FAM53A: variants seen among roughly 807,000 people sequenced by gnomAD.
FAM53A encodes the protein family with sequence similarity 53 member A.
A neutral mutation model predicts 26.6 loss-of-function variants in FAM53A; 28 were observed. The ratio of observed to expected loss-of-function variants is 1.05; its 90% CI spans 0.78 to 1.45. The LOEUF is 1.45. FAM53A is among the 40% of genes most tolerant of loss of function. The pLI is 0.00. For missense variants in FAM53A, 650 were observed against 575.8 expected, an observed-to-expected ratio of 1.13 and a Z score of -1.32; for synonymous variants, 290 against 253.1, an observed-to-expected ratio of 1.15 and a Z score of -1.38.
downstream of FAM53A, among the ~76,000 whole-genome samples, chr4:1,617,121 G>A (rs1714839070): frequency 1.3e-5 from 1 of 78,372 alleles, no homozygotes; most frequent in African/African-American, 5.1e-5. Context: ...AACAGAGGGA[G>A]ACTCCATCTT....
chr4:1,629,132 C>G (rs1424271939), intron 1 of FAM53A, among the ~76,000 whole-genome samples: 1 of 152,034 alleles, frequency 6.6e-6, no homozygotes, highest in Non-Finnish European at 1.5e-5. Context: ...CCCAGCCCAG[C>G]TGGGAAGAGG....
At position 1,665,435 on chromosome 4, in the gene FAM53A, G is replaced by A. The variant is rs114037879; in HGVS notation, c.75+3232C>T. 6.9e-3 allele frequency among the ~76,000 whole-genome samples: 1,048 copies of A among 151,444 alleles called. 12 individuals are homozygous for A. Among genetic ancestry groups the A allele is most frequent in the African/African-American group, 0.024 (985 of 41,244 alleles). ...GCCCTGGAAGCGGAGTTGCAATGAC[G>A]TGCGATCACTCCACTGCACTCCAGC... On this transcript the variant is annotated intron_variant, in intron 2 of 4. Coordinates refer to ENST00000308132, the MANE Select transcript of FAM53A (RefSeq NM_001174070.3).
At chr4:1,673,753 G>A (rs992397540) in intron 1 of FAM53A, among the ~76,000 whole-genome samples, 1 of 152,222 alleles carries the variant, frequency 6.6e-6, no homozygotes, top group African/African-American at 2.4e-5. Flanking sequence ...CAGATAAAGT[G>A]TGCCCGCCAA....
At chr4:1,590,955 C>CATATATACATATATATATATAT in the FAM53A span, among the ~76,000 whole-genome samples, 2 of 46,280 alleles carry the variant, frequency 4.3e-5, no homozygotes, top group African/African-American at 1.3e-4. Context: ...TTATTTAATG[C>CATATATACATATATATATATAT]ATATATATAT....
At chr4:1,663,429 A>G (rs1235814632) in intron 2 of FAM53A, among the ~76,000 whole-genome samples, 4 of 152,218 alleles carry the variant, frequency 2.6e-5, no homozygotes, top group African/African-American at 4.8e-5. Context: ...TCACAGCTGC[A>G]TTATCCCTAA....
chr4:1,600,080 C>T, the FAM53A span, among the ~76,000 whole-genome samples: 1 of 152,202 alleles, frequency 6.6e-6, no homozygotes, highest in Non-Finnish European at 1.5e-5. Context: ...AATGCAGGGA[C>T]CACTGAGCAA....
the FAM53A span, among the ~76,000 whole-genome samples, chr4:1,609,037 T>C: frequency 1.3e-5 from 2 of 152,006 alleles, no homozygotes; most frequent in African/African-American, 4.8e-5. Context: ...GACTTGGCCT[T>C]GAATCCACGT....
the FAM53A span, among the ~76,000 whole-genome samples, chr4:1,576,886 C>T: frequency 6.6e-6 from 1 of 152,174 alleles, no homozygotes; most frequent in Non-Finnish European, 1.5e-5. Context: ...CGCAGGGCGG[C>T]CTCCTTGAGG....
At chr4:1,595,676 C>T in the FAM53A span, among the ~76,000 whole-genome samples, 1 of 152,252 alleles carries the variant, frequency 6.6e-6, no homozygotes, top group Admixed American at 6.5e-5. Flanking sequence ...TTACCCAGCA[C>T]CGCGGGAAGC....
At chr4:1,663,798 G>A (rs73798418) in intron 2 of FAM53A, among the ~76,000 whole-genome samples, 1 of 149,390 alleles carries the variant, frequency 6.7e-6, no homozygotes, top group African/African-American at 2.5e-5. Context: ...GCAAGACCCC[G>A]TCTCTACCAA....
chr4:1,663,877 C>T (rs1714035282), intron 2 of FAM53A, among the ~76,000 whole-genome samples: 1 of 151,120 alleles, frequency 6.6e-6, no homozygotes, highest in African/African-American at 2.4e-5. Flanking sequence ...ACTTTAATTT[C>T]AGTTTAAAAA....
chr4:1,609,180 C>G, the FAM53A span, among the ~76,000 whole-genome samples: 1 of 152,066 alleles, frequency 6.6e-6, no homozygotes, highest in Non-Finnish European at 1.5e-5. Context: ...GGATGTGGCT[C>G]TGGCAGGGCT....
In FAM53A at chr4:1,659,426, G is replaced by C. The variant is rs1016521545; in HGVS notation, c.76-1958C>G. ...CCACATGAACAGCACCCAGCTCGAC[G>C]CTGCCACGGAAAAACGTCTAGCAAG... is the stretch of plus-strand genomic sequence containing the variant. On this transcript the variant is annotated intron_variant, in intron 2 of 4. Coordinates refer to ENST00000308132, the MANE Select transcript of FAM53A (RefSeq NM_001174070.3). The surrounding 1 kb of genome is among the most constrained non-coding windows in gnomAD (Gnocchi z 5.2). 6.6e-6 allele frequency among the ~76,000 whole-genome samples: 1 copy of C among 152,230 alleles called. No individual in the cohort carries two copies. The highest frequency in any genetic ancestry group is 6.5e-5 in the Admixed American group (1 of 15,274).
In FAM53A at chr4:1,665,174, C is replaced by T. The variant is rs556229716; in HGVS notation, c.75+3493G>A. On this transcript the variant is annotated intron_variant, in intron 2 of 4. Coordinates refer to ENST00000308132, the MANE Select transcript of FAM53A (RefSeq NM_001174070.3). ...TATTAAAAATACAAAAAAAATTAGCCGGGCGTGGTGGCGCATGCCTGTAGT... is the reference window on the plus strand; with the variant it reads ...TATTAAAAATACAAAAAAAATTAGCTGGGCGTGGTGGCGCATGCCTGTAGT... Among the ~76,000 whole-genome samples the T allele has an allele frequency of 2.4e-4, 36 of 151,784 alleles. 1 individual carries two copies. Among genetic ancestry groups the T allele is most frequent in the South Asian group, 8.3e-4 (4 of 4,794 alleles).
chr4:1,582,594 G>A, the FAM53A span, among the ~76,000 whole-genome samples: 4 of 152,156 alleles, frequency 2.6e-5, no homozygotes, highest in Non-Finnish European at 4.4e-5. Flanking sequence ...GTCCTCTCCC[G>A]CCTGCGATCT....
chr4:1,594,083 G>A, the FAM53A span, among the ~76,000 whole-genome samples: 3 of 152,100 alleles, frequency 2.0e-5, no homozygotes, highest in African/African-American at 7.2e-5. Context: ...GGCGCCGCGG[G>A]CCCCAGGTCC....
chr4:1,655,615 A>C lies in FAM53A; in HGVS notation c.245T>G (p.Met82Arg), dbSNP rs754724201. The C allele has an allele frequency of 1.3e-6, 2 of 1,596,270 alleles. No homozygotes were observed. Among genetic ancestry groups the C allele is most frequent in the Non-Finnish European group, 1.7e-6 (2 of 1,171,796 alleles). ...LPGLSAAAHTMGLQWQPQSPR... is the reference protein window; with the variant it reads ...LPGLSAAAHTRGLQWQPQSPR... ...GGACTGTGGCTGCCACTGAAGACCC[A>C]TGGTGTGAGCGGCAGCAGACAGGCC... The change falls in exon 4 of 5, where the codon ATG becomes AGG. Residue 82 changes from methionine (M) to arginine (R), a missense_variant. Coordinates refer to ENST00000308132, the MANE Select transcript of FAM53A (RefSeq NM_001174070.3).
chr4:1,634,134 C>T (rs1036476588), intron 1 of FAM53A, among the ~76,000 whole-genome samples: 11 of 152,140 alleles, frequency 7.2e-5, no homozygotes, highest in South Asian at 2.1e-4. Context: ...ACTGGCTGTC[C>T]GGGAAACTGG....
chr4:1,670,410 C>T (rs1049863674), intron 1 of FAM53A, among the ~76,000 whole-genome samples: 4 of 152,238 alleles, frequency 2.6e-5, no homozygotes, highest in African/African-American at 9.6e-5. Context: ...TCAGAGCCTT[C>T]CCGTCACCAG....
Sources: gnomAD v4.1 joint callset for allele counts (sites outside exome capture counted in the v4.1 genomes callset) on GRCh38, gnomAD v4.1.1 for gene constraint, Gnocchi (gnomAD v3.1) non-coding constraint, MANE v1.5 for transcripts, NCBI Gene and HGNC (gene_info 2026-07-23, HGNC 2026-07-21) for gene names.